EMILIN2: variants seen among roughly 807,000 people sequenced by gnomAD.
EMILIN2 encodes the protein EMILIN-2.
EMILIN2 carries 71 observed loss-of-function variants against 87.1 expected under a neutral mutation model. The ratio of observed to expected loss-of-function variants is 0.82; its 90% CI spans 0.67 to 0.99. The LOEUF (loss-of-function observed/expected upper bound fraction) is 0.99. EMILIN2 is among the 50% of genes least tolerant of loss of function. The pLI is 0.00. For missense variants in EMILIN2, 1,407 were observed against 1,371.8 expected (o/e 1.03, Z -0.40); for synonymous variants, 581 against 563.4 (o/e 1.03, Z -0.44).
At position 2,908,908 on chromosome 18, in the gene EMILIN2, CTT is replaced by C. The variant is rs758559405; in HGVS notation, c.2663-34_2663-33del. ...AGAACAAGGAGCTGGTGCTTAGGGTCTTGTTTGACATGCCATTTCCTTTCTGT... is the reference window on the plus strand; with the variant it reads ...AGAACAAGGAGCTGGTGCTTAGGGTCGTTTGACATGCCATTTCCTTTCTGT... On this transcript the variant is annotated intron_variant, in intron 5 of 7. Coordinates refer to ENST00000254528, the MANE Select transcript of EMILIN2 (RefSeq NM_032048.3). The C allele has an allele frequency of 5.0e-6, 8 of 1,613,664 alleles. No homozygotes were observed. The African/African-American group carries it at 1.1e-4, about 22-fold the overall frequency.
In EMILIN2 at chr18:2,847,858, G is replaced by A. The variant is rs1379750871; in HGVS notation, c.184G>A (p.Glu62Lys). The change falls in exon 2 of 8, where the codon GAG (glutamate) becomes AAG (lysine). Residue 62 changes from glutamate (E) to lysine (K), a missense_variant. Physicochemically the swap from Glu to Lys is moderately conservative, Grantham distance 56 (BLOSUM62 1). Transcript: ENST00000254528. The surrounding 1 kb of genome is among the most constrained non-coding windows in gnomAD (Gnocchi z 4.5). ...CAAGAATGTGAGCTGCTCCGTGCTG[G>A]AGGGAAGTGAGAGTTTTATTCAGGC... ...VNKNVSCSVL[E>K]GSESFIQAQY... The A allele has an allele frequency of 3.7e-6, 6 of 1,613,694 alleles. No homozygotes were observed. In the South Asian group the frequency reaches 5.5e-5, roughly 15 times the overall value.
At position 2,848,650 on chromosome 18, in the gene EMILIN2, G is replaced by C. The variant is rs905251515; in HGVS notation, c.257+719G>C. On this transcript the variant is annotated intron_variant, in intron 2 of 7. Transcript: ENST00000254528. This position sits in a 1 kb window ranked among gnomAD's most constrained non-coding sequence, Gnocchi z 4.1. ...AAAGTACAAATGCCGTTAAATACAT[G>C]ACACTCATTCAATTGTCATCAGGCA... 3.6e-5 allele frequency among the ~76,000 whole-genome samples: 5 copies of C among 140,494 alleles called. No individual in the cohort carries two copies. The highest frequency in any genetic ancestry group is 7.3e-5 in the Admixed American group (1 of 13,770). The allele number at this position is 140,494 out of a possible 152,430, so 92.2% of individuals were successfully genotyped here.
intron 3 of EMILIN2, among the ~76,000 whole-genome samples, chr18:2,889,133 C>CTTT (rs772439545): frequency 0.015 from 1,277 of 84,240 alleles, 62 homozygotes; most frequent in Admixed American, 0.039. Context: ...TCTTTCTTTT[C>CTTT]TTTTTTTTTT....
In EMILIN2 at chr18:2,913,337, C is replaced by G; in HGVS notation, c.3095C>G (p.Thr1032Arg). 6.2e-7 allele frequency: 1 copy of G among 1,612,726 alleles called. No individual in the cohort carries two copies. Among genetic ancestry groups the G allele is most frequent in the Non-Finnish European group, 8.5e-7 (1 of 1,179,266 alleles). Reference protein sequence around the residue: ...VVVTGGKLAHTDFDEMYSTFS... With the variant: ...VVVTGGKLAHRDFDEMYSTFS... ...GTGACTGGGGGCAAGCTGGCTCACA[C>G]AGACTTTGATGAAATGTACTCCACA... Residue 1032 changes from threonine (T) to arginine (R), a missense_variant, in exon 8 of 8, where the codon ACA becomes AGA. Thr to Arg is a moderately conservative substitution (Grantham distance 71). Coordinates refer to ENST00000254528, the MANE Select transcript of EMILIN2 (RefSeq NM_032048.3).
intron 4 of EMILIN2, among the ~76,000 whole-genome samples, chr18:2,892,920 C>T (rs2076846203): frequency 6.6e-6 from 1 of 150,704 alleles, no homozygotes; most frequent in South Asian, 2.1e-4. Flanking sequence ...GGTGTGGTGG[C>T]ACGCGCCTGT....
Position 2,913,658 on chromosome 18 carries a change from TCCA to T in EMILIN2, c.*257_*259del. ...GACAACTGGAAGACTTGGAAAGGCC[TCCA>T]CCTGTATCTACACTCTGAGGGCCCT... On this transcript the variant is annotated 3_prime_UTR_variant, in exon 8 of 8. Coordinates refer to ENST00000254528, the MANE Select transcript of EMILIN2 (RefSeq NM_032048.3). 2.8e-6 allele frequency: 1 copy of T among 356,782 alleles called. No homozygotes were observed. The highest frequency in any genetic ancestry group is 4.8e-5 in the South Asian group (1 of 20,654). 22.1% of individuals were successfully genotyped at this position (356,782 alleles called of 1,614,324 possible). A position where few individuals can be genotyped will look rare whatever the true frequency, so the allele number is the denominator to read the frequency against.
At chr18:2,906,733 G>C in intron 4 of EMILIN2, 50 bp from the exon 5 acceptor site, 2 of 1,227,420 alleles carry the variant, frequency 1.6e-6, no homozygotes, top group Non-Finnish European at 2.0e-6. Context: ...GGGCAGTCAG[G>C]GCTGAGGTTT....
At chr18:2,912,973 C>T in intron 7 of EMILIN2, 94 bp from the exon 8 acceptor site, 1 of 1,344,146 alleles carries the variant, frequency 7.4e-7, no homozygotes, top group Non-Finnish European at 1.0e-6. Context: ...GGCTGGTCTC[C>T]CAGGCCCAGG....
intron 4 of EMILIN2, among the ~76,000 whole-genome samples, chr18:2,896,929 G>C (rs1324236538): frequency 6.6e-6 from 1 of 151,562 alleles, no homozygotes; most frequent in Non-Finnish European, 1.5e-5. Flanking sequence ...TTGAGCCCAA[G>C]AGTTCGAGAC....
chr18:2,904,457 G>T (rs1019862089), intron 4 of EMILIN2, among the ~76,000 whole-genome samples: 3 of 152,014 alleles, frequency 2.0e-5, no homozygotes, highest in African/African-American at 7.2e-5. Flanking sequence ...ATTTTCTTAT[G>T]ATTTCCTTCC....
intron 2 of EMILIN2, among the ~76,000 whole-genome samples, chr18:2,877,708 G>T (rs1042069003): frequency 7.3e-5 from 11 of 151,408 alleles, no homozygotes; most frequent in African/African-American, 2.7e-4. Flanking sequence ...AACCCAGGAG[G>T]TGGAGGTTGC....
intron 2 of EMILIN2, among the ~76,000 whole-genome samples, chr18:2,876,530 G>T (rs1434607542): frequency 8.0e-6 from 1 of 124,988 alleles, no homozygotes; most frequent in Non-Finnish European, 1.8e-5. Flanking sequence ...ACTTTGGGAG[G>T]CCGAGGTGGG....
intron 2 of EMILIN2, among the ~76,000 whole-genome samples, chr18:2,869,436 C>G (rs1253204496): frequency 1.3e-5 from 2 of 152,202 alleles, no homozygotes; most frequent in East Asian, 3.8e-4. Context: ...TCCACGTACC[C>G]CCTCCCTGGG....
At chr18:2,885,716 C>T (rs760382458) in intron 3 of EMILIN2, among the ~76,000 whole-genome samples, 1 of 152,126 alleles carries the variant, frequency 6.6e-6, no homozygotes, top group Non-Finnish European at 1.5e-5. Context: ...TGGGGTTTCA[C>T]CATGTTGGCC....
rs10532190 is a variant in EMILIN2, at chr18:2,869,280, TAAA to T, written c.258-15674_258-15672del. ...TACCTTAATGCAGAAATTACATAGT[TAAA>T]AAAAAAAAAGCTTAATTGAAGTATA... On this transcript the variant is annotated intron_variant, in intron 2 of 7. Coordinates refer to ENST00000254528, the MANE Select transcript of EMILIN2 (RefSeq NM_032048.3). Among the ~76,000 whole-genome samples, 1,005 of 149,264 alleles carry T rather than the reference TAAA, an allele frequency of 6.7e-3. 16 individuals carry two copies. The highest frequency in any genetic ancestry group is 0.023 in the African/African-American group (949 of 40,956).
intron 4 of EMILIN2, among the ~76,000 whole-genome samples, chr18:2,901,992 A>G (rs573642668): frequency 6.6e-6 from 1 of 152,340 alleles, no homozygotes; most frequent in Non-Finnish European, 1.5e-5. Flanking sequence ...TCCACTGAGG[A>G]TATCTGGCTC....
Position 2,915,044 on chromosome 18 carries a change from C to CA in EMILIN2, c.*1641dup, listed in dbSNP as rs2144085774. 1 of 152,396 alleles carries CA rather than the reference C, an allele frequency of 6.6e-6. No individual in the cohort carries two copies. Among genetic ancestry groups the CA allele is most frequent in the African/African-American group, 2.4e-5 (1 of 41,568 alleles). The allele number at this position is 152,396 out of a possible 1,614,324, so 9.4% of individuals were successfully genotyped here. The stretch of plus-strand genomic sequence containing the variant: ...GCGCCATCGCCCTCTCCTCTCCTCT[C>CA]ACGCTCCTTTTGAAAAGACCGCACT... On this transcript the variant is annotated 3_prime_UTR_variant, in exon 8 of 8. Transcript: ENST00000254528.
Position 2,891,858 on chromosome 18 carries a change from C to G in EMILIN2, c.1731C>G (p.Arg577=). ...ALPNREDRAV[R]DSLHLLKSLN... is the part of the protein sequence containing the mutation. ...CAAACAGGGAAGACCGCGCAGTACGCGACAGCCTGCACCTTTTGAAATCTC... is the reference window on the plus strand; with the variant it reads ...CAAACAGGGAAGACCGCGCAGTACGGGACAGCCTGCACCTTTTGAAATCTC... Residue 577 remains arginine, a synonymous_variant, in exon 4 of 8, where the codon CGC becomes CGG. Coordinates refer to ENST00000254528, the MANE Select transcript of EMILIN2 (RefSeq NM_032048.3). This position sits in a 1 kb window ranked among gnomAD's most constrained non-coding sequence, Gnocchi z 4.6. The G allele has an allele frequency of 6.2e-7, 1 of 1,614,230 alleles. No homozygotes were observed. Among genetic ancestry groups the G allele is most frequent in the Non-Finnish European group, 8.5e-7 (1 of 1,180,038 alleles).
chr18:2,885,930 G>A (rs750942739), intron 3 of EMILIN2, among the ~76,000 whole-genome samples: 2 of 152,178 alleles, frequency 1.3e-5, no homozygotes, highest in African/African-American at 4.8e-5. Context: ...TTTGAAACTC[G>A]TAGTTCTTCC....
Sources: allele counts gnomAD v4.1 joint callset (sites outside exome capture counted in the v4.1 genomes callset), GRCh38; gene constraint gnomAD v4.1.1; non-coding constraint Gnocchi (gnomAD v3.1); transcripts MANE v1.5; gene names NCBI Gene and HGNC (gene_info 2026-07-23, HGNC 2026-07-21).